DSCAM: variants seen among roughly 807,000 people sequenced by gnomAD.
DSCAM encodes the protein DS cell adhesion molecule, also known as cell adhesion molecule DSCAM.
DSCAM carries 47 observed loss-of-function variants against 217.7 expected under a neutral mutation model. The ratio of observed to expected loss-of-function variants is 0.22; its 90% confidence interval spans 0.17 to 0.28. DSCAM has a LOEUF of 0.28. Ranked by LOEUF, DSCAM falls within the 10% of genes least tolerant of loss-of-function variation. The pLI is 1.00. For synonymous variants in DSCAM, 1,056 were observed against 1,015.3 expected, an observed-to-expected ratio of 1.04 and a Z score of -0.76; for missense variants, 2,080 against 2,618.3, an observed-to-expected ratio of 0.79 and a Z score of 4.49.
chr21:40,657,954 C>A (rs1200853176), intron 3 of DSCAM, among the ~76,000 whole-genome samples: 2 of 152,096 alleles, frequency 1.3e-5, no homozygotes, highest in Non-Finnish European at 2.9e-5. Flanking sequence ...ATGAGCCAAC[C>A]AGCAATCTCC....
At chr21:40,593,207 T>C (rs983611691) in intron 3 of DSCAM, among the ~76,000 whole-genome samples, 22 of 152,340 alleles carry the variant, frequency 1.4e-4, no homozygotes, top group African/African-American at 5.3e-4. Flanking sequence ...GTGCTATTAA[T>C]AATTCTTGAA....
At chr21:40,480,467 T>G (rs754704711) in intron 3 of DSCAM, among the ~76,000 whole-genome samples, 26 of 152,350 alleles carry the variant, frequency 1.7e-4, no homozygotes, top group Non-Finnish European at 3.1e-4. Flanking sequence ...GTTCTATGCA[T>G]AACACATTGA....
At chr21:40,476,834 A>G (rs1263947686) in intron 3 of DSCAM, among the ~76,000 whole-genome samples, 1 of 152,176 alleles carries the variant, frequency 6.6e-6, no homozygotes, top group African/African-American at 2.4e-5. Flanking sequence ...TACGTGAACA[A>G]TCCAATTAAC....
intron 3 of DSCAM, among the ~76,000 whole-genome samples, chr21:40,426,768 A>G (rs959525804): frequency 8.5e-5 from 13 of 152,124 alleles, no homozygotes; most frequent in Non-Finnish European, 1.5e-4. Context: ...CACAGCAAAC[A>G]TGACAATGGG....
chr21:40,502,378 C>A (rs1396808463), intron 3 of DSCAM, among the ~76,000 whole-genome samples: 2 of 152,072 alleles, frequency 1.3e-5, no homozygotes, highest in Non-Finnish European at 2.9e-5. Flanking sequence ...ACTATTGCTG[C>A]TGTAACAAAT....
chr21:40,288,476 A>G (rs1187513653), intron 10 of DSCAM, among the ~76,000 whole-genome samples: 1 of 152,224 alleles, frequency 6.6e-6, no homozygotes. Context: ...AAGCAAGGAC[A>G]TTTTTGAAAA....
At chr21:40,251,649 C>T (rs777507440) in intron 11 of DSCAM, among the ~76,000 whole-genome samples, 93 of 152,132 alleles carry the variant, frequency 6.1e-4, no homozygotes, top group Admixed American at 2.4e-3. Flanking sequence ...CCAAGATAGC[C>T]CCCAGTGATC....
rs2073439490 is a variant in DSCAM at position 40,260,803 on chromosome 21, T to C, written c.2356+15294A>G. Among the ~76,000 whole-genome samples, 4 of 152,178 alleles carry C rather than the reference T, an allele frequency of 2.6e-5. No individual in the cohort carries two copies. In the South Asian group the frequency reaches 6.2e-4, roughly 24 times the overall value. ...TCTTAATTAAGTCTAAACAAAACTATGTATTGTCTTCTGCATCCTTTTCAA... is the reference window on the plus strand; with the variant it reads ...TCTTAATTAAGTCTAAACAAAACTACGTATTGTCTTCTGCATCCTTTTCAA... On this transcript the variant is annotated intron_variant, in intron 11 of 32. Transcript: ENST00000400454.
chr21:40,547,973 C>T lies in DSCAM; in HGVS notation c.508+144837G>A, dbSNP rs965384720. Among the ~76,000 whole-genome samples, 13 of 152,254 alleles carry T rather than the reference C, an allele frequency of 8.5e-5. No individual in the cohort carries two copies. The East Asian group carries it at 2.1e-3, about 25-fold the overall frequency. ...TTCCTCGCGTGGCATCAGTAAGGGG[C>T]GCTCAGCAGAGGCAGCCTGGCATAT... On this transcript the variant is annotated intron_variant, in intron 3 of 32. Coordinates refer to ENST00000400454, the MANE Select transcript of DSCAM (RefSeq NM_001389.5).
intron 3 of DSCAM, among the ~76,000 whole-genome samples, chr21:40,666,254 T>C (rs905668755): frequency 3.9e-5 from 6 of 152,182 alleles, no homozygotes; most frequent in African/African-American, 1.4e-4. Context: ...GCTACACCCA[T>C]GCACTGTGCA....
chr21:40,426,270 C>T (rs1311242100), intron 3 of DSCAM, among the ~76,000 whole-genome samples: 1 of 152,242 alleles, frequency 6.6e-6, no homozygotes, highest in East Asian at 1.9e-4. Context: ...GGTCTGCCTA[C>T]AATGGTCACA....
In DSCAM at chr21:40,378,888, C is replaced by T. The variant is rs372555555; in HGVS notation, c.509-9643G>A. On this transcript the variant is annotated intron_variant, in intron 3 of 32. Transcript: ENST00000400454. ...GATTACAGGCGTGAGCCACCGCGCC[C>T]GGCCAACAATGAAAACTTATACATA... is the stretch of plus-strand genomic sequence containing the variant. 7.2e-5 allele frequency among the ~76,000 whole-genome samples: 11 copies of T among 152,042 alleles called. No individual in the cohort carries two copies. In the East Asian group the frequency reaches 7.8e-4, roughly 11 times the overall value.
At chr21:40,775,783 G>T (rs561007208) in intron 1 of DSCAM, among the ~76,000 whole-genome samples, 1 of 152,282 alleles carries the variant, frequency 6.6e-6, no homozygotes, top group Admixed American at 6.5e-5. Context: ...TAAATGAAGA[G>T]ATGTCCTTTT....
chr21:40,469,760 G>A (rs1003790034), intron 3 of DSCAM, among the ~76,000 whole-genome samples: 1 of 152,170 alleles, frequency 6.6e-6, no homozygotes, highest in Non-Finnish European at 1.5e-5. Context: ...AAAATAATGA[G>A]AGTGATTTCT....
In DSCAM at chr21:40,474,836, G is replaced by A. The variant is rs551882360; in HGVS notation, c.509-105591C>T. Among the ~76,000 whole-genome samples the A allele has an allele frequency of 1.0e-3, 156 of 152,286 alleles. 1 individual carries two copies. In the South Asian group the frequency reaches 0.029, roughly 28 times the overall value. ...GACTGAGGGGAACGTTGTTCTTGCC[G>A]TGTCCTCTGAGGGTTCCCACGACGA... On this transcript the variant is annotated intron_variant, in intron 3 of 32. Transcript: ENST00000400454.
At chr21:40,684,535 AG>A (rs2090453391) in intron 3 of DSCAM, among the ~76,000 whole-genome samples, 1 of 152,190 alleles carries the variant, frequency 6.6e-6, no homozygotes. Context: ...TCCAGCCCAG[AG>A]CAAAGGACAC....
chr21:40,501,322 T>C (rs2146036344), intron 3 of DSCAM, among the ~76,000 whole-genome samples: 1 of 152,330 alleles, frequency 6.6e-6, no homozygotes, highest in Admixed American at 6.5e-5. Flanking sequence ...TGAAGTATTG[T>C]TATTACTTCT....
chr21:40,813,064 AC>A (rs1320935871), intron 1 of DSCAM, among the ~76,000 whole-genome samples: 1 of 152,216 alleles, frequency 6.6e-6, no homozygotes, highest in Non-Finnish European at 1.5e-5. Context: ...ATGGGTTTCG[AC>A]ATGTCTTCAG....
rs1352970922 is a variant in DSCAM at position 40,731,735 on chromosome 21, C to CG, written c.44-22965_44-22964insC. The stretch of plus-strand genomic sequence containing the variant: ...TTACCTCCTTCCCACTGCACCCCCC[C>CG]CCCCGCCCCCCGGGTGAGAGTCTTG... On this transcript the variant is annotated intron_variant, in intron 1 of 32. Transcript: ENST00000400454. Among the ~76,000 whole-genome samples, 16 of 126,358 alleles carry CG rather than the reference C, an allele frequency of 1.3e-4. 2 individuals are homozygous for CG. Among genetic ancestry groups the CG allele is most frequent in the African/African-American group, 3.2e-4 (11 of 34,540 alleles). 82.9% of individuals were successfully genotyped at this position (126,358 alleles called of 152,430 possible).
Sources: allele counts gnomAD v4.1 joint callset (sites outside exome capture counted in the v4.1 genomes callset), GRCh38; gene constraint gnomAD v4.1.1; transcripts MANE v1.5; gene names NCBI Gene and HGNC (gene_info 2026-07-23, HGNC 2026-07-21).